FGF1: variants seen among roughly 807,000 people sequenced by gnomAD.
FGF1 encodes fibroblast growth factor 1.
A neutral mutation model predicts 13.4 loss-of-function variants in FGF1; 9 were observed. That is an observed-to-expected ratio of 0.67 (90% CI 0.40 to 1.17). The LOEUF (loss-of-function observed/expected upper bound fraction) is 1.17. Ranked by LOEUF, FGF1 falls within the 50% of genes most tolerant of loss-of-function variation. The pLI is 0.01. For synonymous variants in FGF1, 93 were observed against 79.0 expected, an observed-to-expected ratio of 1.18 and a Z score of -0.94; for missense variants, 156 against 192.7, an observed-to-expected ratio of 0.81 and a Z score of 1.13.
chr5:142,662,449 T>C (rs1469222728), intron 1 of FGF1, among the ~76,000 whole-genome samples: 2 of 152,230 alleles, frequency 1.3e-5, no homozygotes, highest in Non-Finnish European at 2.9e-5. Context: ...TTTTGAATGG[T>C]CATTTTCCAT....
intron 2 of FGF1, among the ~76,000 whole-genome samples, chr5:142,609,700 C>T (rs1758639761): frequency 6.6e-6 from 1 of 152,182 alleles, no homozygotes; most frequent in Non-Finnish European, 1.5e-5. Context: ...GTGAGGAAGG[C>T]TCAGGAATCC....
intron 1 of FGF1, among the ~76,000 whole-genome samples, chr5:142,632,989 G>A (rs972564092): frequency 2.7e-5 from 4 of 150,938 alleles, no homozygotes; most frequent in African/African-American, 4.9e-5. Context: ...GCACAATCTC[G>A]GCTCACTGCA....
At chr5:142,623,023 T>G (rs1761901234) in intron 1 of FGF1, among the ~76,000 whole-genome samples, 1 of 152,268 alleles carries the variant, frequency 6.6e-6, no homozygotes, top group Non-Finnish European at 1.5e-5. Context: ...TTTACTATTA[T>G]TAAACCATTA....
chr5:142,690,242 AC>A (rs1391843949), upstream of FGF1, among the ~76,000 whole-genome samples: 1 of 150,840 alleles, frequency 6.6e-6, no homozygotes, highest in African/African-American at 2.4e-5. Context: ...AATGGCGTGA[AC>A]CCGGTGAACC....
intron 1 of FGF1, among the ~76,000 whole-genome samples, chr5:142,634,280 T>C (rs1297127000): frequency 6.6e-6 from 1 of 151,912 alleles, no homozygotes; most frequent in African/African-American, 2.4e-5. Context: ...TGACCACATC[T>C]CCCACTTATT....
chr5:142,608,563 TATATATATATATATATATATAC>T lies in FGF1; in HGVS notation c.169+5374_169+5395del, dbSNP rs1187714815. ...ACATCTATATATATATATATATATATATATATATATATATATATATACACACACACACACATATATGTAAATA... is the reference window on the plus strand; with the variant it reads ...ACATCTATATATATATATATATATATACACACACACACATATATGTAAATA... On this transcript the variant is annotated intron_variant, in intron 2 of 3. Coordinates refer to ENST00000337706, the MANE Select transcript of FGF1 (RefSeq NM_000800.5). Among the ~76,000 whole-genome samples, 360 of 93,142 alleles carry T rather than the reference TATATATATATATATATATATAC, an allele frequency of 3.9e-3. 4 individuals carry two copies. Among genetic ancestry groups the T allele is most frequent in the African/African-American group, 0.017 (339 of 20,256 alleles). The allele number at this position is 93,142 out of a possible 152,430, so 61.1% of individuals were successfully genotyped here. A position where few individuals can be genotyped will look rare whatever the true frequency, so the allele number is the denominator to read the frequency against.
At chr5:142,633,990 C>T (rs1417742286) in intron 1 of FGF1, among the ~76,000 whole-genome samples, 1 of 150,488 alleles carries the variant, frequency 6.6e-6, no homozygotes, top group African/African-American at 2.4e-5. Context: ...CGAGATCATC[C>T]TGGCTAACAC....
intron 1 of FGF1, among the ~76,000 whole-genome samples, chr5:142,660,005 C>T (rs1425235749): frequency 6.6e-6 from 1 of 152,234 alleles, no homozygotes; most frequent in Non-Finnish European, 1.5e-5. Context: ...GTCTTGCAGG[C>T]CCTGCGTCAG....
At chr5:142,689,111 A>C (rs1751724020), upstream of FGF1, among the ~76,000 whole-genome samples, 1 of 152,148 alleles carries the variant, frequency 6.6e-6, no homozygotes, top group Non-Finnish European at 1.5e-5. Flanking sequence ...GATTCTTGAG[A>C]ATGACATTCA....
At chr5:142,624,832 A>G (rs1001780925) in intron 1 of FGF1, among the ~76,000 whole-genome samples, 4 of 152,256 alleles carry the variant, frequency 2.6e-5, no homozygotes, top group African/African-American at 9.6e-5. Flanking sequence ...AAAGCTCTGA[A>G]AGCTAGAAGT....
intron 1 of FGF1, among the ~76,000 whole-genome samples, chr5:142,632,029 C>G (rs1018170524): frequency 1.3e-5 from 2 of 152,132 alleles, no homozygotes; most frequent in Non-Finnish European, 2.9e-5. Flanking sequence ...GATCCACCCG[C>G]CTTGGCCTCC....
chr5:142,595,499 C>A lies in FGF1; in HGVS notation c.274-15G>T. On this transcript the variant is annotated splice_polypyrimidine_tract_variant and intron_variant, in intron 3 of 3. Transcript: ENST00000337706. ...TTTGGTGTCTGCTAAAAAGATAAAA[C>A]CAAAAGAGAGTAGGACAATCAGTGA... 6.2e-7 allele frequency: 1 copy of A among 1,609,142 alleles called. No homozygotes were observed. Among genetic ancestry groups the A allele is most frequent in the Non-Finnish European group, 8.5e-7 (1 of 1,177,250 alleles).
chr5:142,667,673 G>C (rs1322484638), intron 1 of FGF1, among the ~76,000 whole-genome samples: 2 of 152,074 alleles, frequency 1.3e-5, no homozygotes, highest in African/African-American at 4.8e-5. Context: ...GAGAGAAAGG[G>C]AAGATGACAG....
chr5:142,691,205 G>A lies in FGF1; in HGVS notation c.-35+6417C>T, dbSNP rs560865848. ...GGAGGCCGACGCGGGTGGATCACCT[G>A]AGGTTAGGAGTTCGAGACTAGCCTG... is the stretch of plus-strand genomic sequence containing the variant. On this transcript the variant is annotated intron_variant, in intron 2 of 4. Coordinates refer to the FGF1 transcript ENST00000407758. Among the ~76,000 whole-genome samples, 83 of 152,226 alleles carry A rather than the reference G, an allele frequency of 5.5e-4. 1 individual carries two copies. Among genetic ancestry groups the A allele is most frequent in the African/African-American group, 2.0e-3 (82 of 41,540 alleles).
chr5:142,632,774 A>G (rs1392457942), intron 1 of FGF1, among the ~76,000 whole-genome samples: 8 of 152,168 alleles, frequency 5.3e-5, no homozygotes, highest in Admixed American at 3.9e-4. Context: ...CTTCATTTGT[A>G]ATGGTTGCAT....
intron 1 of FGF1, among the ~76,000 whole-genome samples, chr5:142,629,898 T>A (rs867710075): frequency 0.022 from 3,129 of 144,786 alleles, 81 homozygotes; most frequent in African/African-American, 0.072. Context: ...TATATATATT[T>A]TTTTTTTTTC....
At chr5:142,612,943 T>C (rs775584320) in intron 2 of FGF1, among the ~76,000 whole-genome samples, 4 of 152,012 alleles carry the variant, frequency 2.6e-5, no homozygotes, top group African/African-American at 4.8e-5. Flanking sequence ...CCACCTGATG[T>C]ATAAACCATC....
intron 1 of FGF1, among the ~76,000 whole-genome samples, chr5:142,614,559 TGA>T (rs1491088452): frequency 6.6e-6 from 1 of 152,172 alleles, no homozygotes. Context: ...CCACAAAAGC[TGA>T]GAGGCCAGGA....
rs13353912 is a variant in FGF1, at chr5:142,650,650, C to G, written c.-35+35307G>C. Among the ~76,000 whole-genome samples, 1,277 of 151,860 alleles carry G rather than the reference C, an allele frequency of 8.4e-3. 8 individuals are homozygous for G. The highest frequency in any genetic ancestry group is 0.02 in the African/African-American group (833 of 41,330). On this transcript the variant is annotated intron_variant, in intron 1 of 3. Transcript: ENST00000337706. ...CCCCTTTATAATCAATGCATATACA[C>G]TTTATATGTGTGTGTGTGTATATAT...
Sources: gnomAD v4.1 joint callset for allele counts (sites outside exome capture counted in the v4.1 genomes callset) on GRCh38, gnomAD v4.1.1 for gene constraint, MANE v1.5 for transcripts, NCBI Gene and HGNC (gene_info 2026-07-23, HGNC 2026-07-21) for gene names.